The following GAN variants were observed in gnomAD, a reference collection of about 807,000 sequenced individuals.
GAN encodes gigaxonin.
Under a neutral mutation model 71.3 loss-of-function variants are expected in GAN, and 48 were observed. The ratio of observed to expected loss-of-function variants is 0.67; its 90% CI spans 0.53 to 0.86. The LOEUF is 0.86. Ranked by LOEUF, GAN falls within the 40% of genes least tolerant of loss-of-function variation. The pLI is 0.00. For synonymous variants in GAN, 386 were observed against 276.8 expected (o/e 1.39, Z -3.92); for missense variants, 928 against 770.1 (o/e 1.21, Z -2.43).
In GAN at chr16:81,318,400, C is replaced by T. The variant is rs117121236; in HGVS notation, c.167+3120C>T. ...TGGTATGGCCTGGCATGGTAGCTCA[C>T]ACCTGTAATCCTAGCACTGTGAGAG... is the stretch of plus-strand genomic sequence containing the variant. On this transcript the variant is annotated intron_variant, in intron 1 of 10. Transcript: ENST00000648994. Among the ~76,000 whole-genome samples, 234 of 152,328 alleles carry T rather than the reference C, an allele frequency of 1.5e-3. 3 individuals are homozygous for T. In the East Asian group the frequency reaches 0.042, roughly 27 times the overall value.
At chr16:81,365,323 C>G (rs746211490) in intron 8 of GAN, 27 bp from the exon 9 acceptor site, 3 of 1,613,222 alleles carry the variant, frequency 1.9e-6, no homozygotes, top group East Asian at 2.2e-5. Flanking sequence ...CAGCTTGTGC[C>G]TGATAACGCT....
In GAN at chr16:81,382,716, G is replaced by T. The variant is rs1277875100; in HGVS notation, c.*5120G>T. 1.3e-5 allele frequency: 2 copies of T among 152,172 alleles called. No individual in the cohort carries two copies. Among genetic ancestry groups the T allele is most frequent in the Non-Finnish European group, 2.9e-5 (2 of 68,026 alleles). 9.4% of individuals were successfully genotyped at this position (152,172 alleles called of 1,614,324 possible). A position where few individuals can be genotyped will look rare whatever the true frequency, so the allele number is the denominator to read the frequency against. ...TAACACAGACTTGGATTGAGTGTCT[G>T]TCATGCCTGCTGGCAGTTAAGTCTC... On this transcript the variant is annotated 3_prime_UTR_variant, in exon 11 of 11. Coordinates refer to ENST00000648994, the MANE Select transcript of GAN (RefSeq NM_022041.4).
At chr16:81,353,973 C>T (rs564822566) in intron 2 of GAN, among the ~76,000 whole-genome samples, 5 of 152,244 alleles carry the variant, frequency 3.3e-5, no homozygotes, top group South Asian at 4.1e-4. Context: ...TGCCATTTAG[C>T]GGAAGAGTGA....
Position 81,377,396 on chromosome 16 carries a change from G to C in GAN, c.1613-19G>C, listed in dbSNP as rs1310389076. ...ATTCTGGGTACATTTTCTCACCCTTGCTTATTTCTGTGGCTTAGGTACCAA... is the reference window on the plus strand; with the variant it reads ...ATTCTGGGTACATTTTCTCACCCTTCCTTATTTCTGTGGCTTAGGTACCAA... On this transcript the variant is annotated intron_variant, in intron 10 of 10. Coordinates refer to ENST00000648994, the MANE Select transcript of GAN (RefSeq NM_022041.4). 1.9e-6 allele frequency: 3 copies of C among 1,611,846 alleles called. 1 individual carries two copies. The highest frequency in any genetic ancestry group is 2.2e-5 in the South Asian group (2 of 91,056).
chr16:81,333,746 C>G (rs762980805), intron 1 of GAN, among the ~76,000 whole-genome samples: 45 of 152,178 alleles, frequency 3.0e-4, no homozygotes, highest in Admixed American at 6.5e-5. Context: ...AATATCTCAC[C>G]TGGTGCGGTG....
At chr16:81,324,122 A>T (rs1909303771) in intron 1 of GAN, among the ~76,000 whole-genome samples, 4 of 152,190 alleles carry the variant, frequency 2.6e-5, no homozygotes, top group African/African-American at 9.7e-5. Context: ...TAATTGGCTG[A>T]TTTGACCCTT....
At position 81,352,237 on chromosome 16, in the gene GAN, C is replaced by T. The variant is rs200438682; in HGVS notation, c.282+540C>T. ...TGTTGCCTCAGTAGTACCCACATCC[C>T]TGCCCCACCCTTATTCTCTCTTCCC... On this transcript the variant is annotated intron_variant, in intron 2 of 10. Coordinates refer to ENST00000648994, the MANE Select transcript of GAN (RefSeq NM_022041.4). Among the ~76,000 whole-genome samples the T allele has an allele frequency of 8.5e-5, 13 of 152,310 alleles. No homozygotes were observed. In the East Asian group the frequency reaches 1.9e-3, roughly 23 times the overall value.
Position 81,355,793 on chromosome 16 carries a change from T to C in GAN, c.634-992T>C, listed in dbSNP as rs565763430. Among the ~76,000 whole-genome samples the C allele has an allele frequency of 7.9e-5, 12 of 152,368 alleles. No homozygotes were observed. The South Asian group carries it at 1.9e-3, about 24-fold the overall frequency. On this transcript the variant is annotated intron_variant, in intron 3 of 10. Coordinates refer to ENST00000648994, the MANE Select transcript of GAN (RefSeq NM_022041.4). Reference sequence around the variant, plus strand: ...ATAATTTTACTGTTAATTGTTCTTGTAAGTTAAAACTGGACTGTTAAATTT... The same window carrying C: ...ATAATTTTACTGTTAATTGTTCTTGCAAGTTAAAACTGGACTGTTAAATTT...
rs112210768 is a variant in GAN at position 81,347,925 on chromosome 16, G to A, written c.168-3658G>A. 3.3e-5 allele frequency among the ~76,000 whole-genome samples: 5 copies of A among 151,920 alleles called. 1 individual carries two copies. The highest frequency in any genetic ancestry group is 1.2e-4 in the African/African-American group (5 of 41,452). ...AATAGTCTTATCTTTTTTGGTTGGG[G>A]GGACATTACTTTTTTTCAGGTGTTG... On this transcript the variant is annotated intron_variant, in intron 1 of 10. Coordinates refer to ENST00000648994, the MANE Select transcript of GAN (RefSeq NM_022041.4).
At chr16:81,316,195 A>G (rs1309410521) in intron 1 of GAN, among the ~76,000 whole-genome samples, 4 of 152,124 alleles carry the variant, frequency 2.6e-5, no homozygotes, top group Non-Finnish European at 4.4e-5. Context: ...CTGTTTTAAT[A>G]AAAGGAAAGG....
intron 7 of GAN, 41 bp from the exon 8 acceptor site, chr16:81,364,933 A>G: frequency 6.2e-7 from 1 of 1,607,242 alleles, no homozygotes; most frequent in Non-Finnish European, 8.5e-7. Context: ...GACCTGAATG[A>G]GAAATGTTGC....
At chr16:81,375,052 C>G (rs573752855) in intron 9 of GAN, among the ~76,000 whole-genome samples, 91 of 151,950 alleles carry the variant, frequency 6.0e-4, no homozygotes, top group African/African-American at 2.2e-3. Context: ...TTGGGGTAGG[C>G]AAAGATTTTT....
intron 5 of GAN, among the ~76,000 whole-genome samples, chr16:81,362,252 A>G (rs1450384424): frequency 1.3e-5 from 2 of 152,190 alleles, no homozygotes; most frequent in Non-Finnish European, 2.9e-5. Context: ...GGGTGACGCC[A>G]GGCTTCCTTT....
intron 1 of GAN, among the ~76,000 whole-genome samples, chr16:81,316,789 G>T (rs970636109): frequency 6.6e-6 from 1 of 152,118 alleles, no homozygotes; most frequent in Non-Finnish European, 1.5e-5. Flanking sequence ...CCACTTTGAC[G>T]TACCCCATAT....
intron 2 of GAN, among the ~76,000 whole-genome samples, 166 bp downstream of exon 2, chr16:81,351,863 T>G (rs1910311401): frequency 6.6e-6 from 1 of 152,212 alleles, no homozygotes; most frequent in African/African-American, 2.4e-5. Context: ...CCATGTGTGT[T>G]CTTCCATGGC....
chr16:81,321,869 C>T (rs1234217748), intron 1 of GAN, among the ~76,000 whole-genome samples: 1 of 152,182 alleles, frequency 6.6e-6, no homozygotes, highest in African/African-American at 2.4e-5. Flanking sequence ...CATTTGAGCG[C>T]TTCCCATGGG....
At position 81,354,420 on chromosome 16, in the gene GAN, G is replaced by C. The variant is rs1316258809; in HGVS notation, c.298G>C (p.Asp100His). The C allele has an allele frequency of 1.9e-6, 3 of 1,608,774 alleles. No homozygotes were observed. Among genetic ancestry groups the C allele is most frequent in the Non-Finnish European group, 2.6e-6 (3 of 1,175,246 alleles). The part of the protein sequence containing the change: ...IFSGQIRLNE[D>H]TIQDVVQAAD... ...ACTTTTTTAGATCAGGCTAAATGAAGATACAATCCAAGATGTTGTTCAGGC... is the reference window on the plus strand; with the variant it reads ...ACTTTTTTAGATCAGGCTAAATGAACATACAATCCAAGATGTTGTTCAGGC... The change falls in exon 3 of 11, where the codon GAT (aspartate) becomes CAT (histidine). Residue 100 changes from aspartate to histidine, a missense_variant. Transcript: ENST00000648994.
chr16:81,356,517 G>C (rs538722763), intron 3 of GAN, among the ~76,000 whole-genome samples: 11 of 152,042 alleles, frequency 7.2e-5, no homozygotes, highest in Non-Finnish European at 1.3e-4. Flanking sequence ...AATCCTTTAA[G>C]GTGTAAAGGA....
intron 2 of GAN, 32 bp from the exon 3 acceptor site, chr16:81,354,373 T>G (rs768151267): frequency 7.2e-7 from 1 of 1,397,786 alleles, no homozygotes; most frequent in East Asian, 2.3e-5. Context: ...ATGTACACAT[T>G]CAAATATAAG....
Sources: allele counts gnomAD v4.1 joint callset (sites outside exome capture counted in the v4.1 genomes callset), GRCh38; gene constraint gnomAD v4.1.1; transcripts MANE v1.5; gene names NCBI Gene and HGNC (gene_info 2026-07-23, HGNC 2026-07-21).